Variants in PHACTR3 observed in about 807,000 individuals in gnomAD.
PHACTR3 encodes phosphatase and actin regulator 3.
PHACTR3 carries 16 observed loss-of-function variants against 66.8 expected under a neutral mutation model. The ratio of observed to expected loss-of-function variants is 0.24; its 90% confidence interval spans 0.16 to 0.36. PHACTR3 has a LOEUF of 0.36. PHACTR3 is among the 10% of genes least tolerant of loss of function. The pLI, the probability that PHACTR3 is intolerant of heterozygous loss-of-function variation, is 1.00. For missense variants in PHACTR3, 647 were observed against 719.9 expected (o/e 0.90, Z 1.16); for synonymous variants, 323 against 292.1 (o/e 1.11, Z -1.08).
chr20:59,585,826 C>T (rs948644816), intron 1 of PHACTR3, among the ~76,000 whole-genome samples: 1 of 152,174 alleles, frequency 6.6e-6, no homozygotes, highest in Non-Finnish European at 1.5e-5. Context: ...TCACCTCTCC[C>T]TAAAGGAAAG....
At chr20:59,735,878 A>C (rs1290797342) in intron 1 of PHACTR3, among the ~76,000 whole-genome samples, 1 of 152,158 alleles carries the variant, frequency 6.6e-6, no homozygotes, top group Admixed American at 6.5e-5. Context: ...GAATAAAGGG[A>C]TTGGCCCTGC....
chr20:59,778,531 C>T (rs923800518), intron 7 of PHACTR3, among the ~76,000 whole-genome samples: 5 of 152,252 alleles, frequency 3.3e-5, no homozygotes, highest in African/African-American at 9.6e-5. Flanking sequence ...CCCTTCTTCT[C>T]ACCCAACCTT....
intron 1 of PHACTR3, among the ~76,000 whole-genome samples, chr20:59,635,355 A>T (rs73301470): frequency 1.3e-5 from 2 of 149,144 alleles, no homozygotes; most frequent in African/African-American, 5.0e-5. Context: ...TTGTCTCAGC[A>T]TCCCAATAGT....
chr20:59,605,735 C>T (rs2033640035), intron 1 of PHACTR3, among the ~76,000 whole-genome samples: 1 of 152,220 alleles, frequency 6.6e-6, no homozygotes, highest in Non-Finnish European at 1.5e-5. Flanking sequence ...GGACTCCGTC[C>T]ACTCTTCCAC....
At chr20:59,641,334 T>C (rs1329013425) in intron 1 of PHACTR3, among the ~76,000 whole-genome samples, 1 of 152,132 alleles carries the variant, frequency 6.6e-6, no homozygotes, top group Admixed American at 6.5e-5. Context: ...CTATGTGTTG[T>C]GGAGTCTAAA....
intron 1 of PHACTR3, among the ~76,000 whole-genome samples, chr20:59,687,214 GTGA>G (rs1487242811): frequency 2.6e-5 from 4 of 151,544 alleles, no homozygotes; most frequent in Non-Finnish European, 4.4e-5. Context: ...GGCAGTGATG[GTGA>G]TGATGACGAT....
intron 3 of PHACTR3, among the ~76,000 whole-genome samples, chr20:59,753,838 C>T (rs1457405625): frequency 6.6e-6 from 1 of 152,216 alleles, no homozygotes; most frequent in East Asian, 1.9e-4. Flanking sequence ...GAAAGGGACA[C>T]TGTTGAAGGA....
intron 8 of PHACTR3, chr20:59,835,999 A>C (rs2042514731): frequency 6.5e-6 from 1 of 153,040 alleles, no homozygotes; most frequent in Non-Finnish European, 1.5e-5. Flanking sequence ...CAGCAGGCAG[A>C]AAGCCGGAAG....
intron 5 of PHACTR3, among the ~76,000 whole-genome samples, chr20:59,770,087 C>T (rs2040312224): frequency 6.6e-6 from 1 of 152,190 alleles, no homozygotes; most frequent in Non-Finnish European, 1.5e-5. Context: ...TTGGGAAGGT[C>T]GAGCCTCAGA....
intron 1 of PHACTR3, among the ~76,000 whole-genome samples, chr20:59,706,163 T>A (rs2037693177): frequency 6.6e-6 from 1 of 152,210 alleles, no homozygotes; most frequent in Admixed American, 6.5e-5. Context: ...TCCTCTGAAT[T>A]CCCTGACGAA....
At chr20:59,834,240 T>TC (rs931203346) in intron 8 of PHACTR3, among the ~76,000 whole-genome samples, 4 of 152,128 alleles carry the variant, frequency 2.6e-5, no homozygotes, top group African/African-American at 9.7e-5. Context: ...CTGTGTGCCT[T>TC]CCCCCTCCAT....
Position 59,645,221 on chromosome 20 carries a change from CTTT to C in PHACTR3, c.118+40108_118+40110del, listed in dbSNP as rs11470114. 1.7e-3 allele frequency among the ~76,000 whole-genome samples: 204 copies of C among 120,544 alleles called. No individual in the cohort carries two copies. The Middle Eastern group carries it at 0.017, about 10-fold the overall frequency. 79.1% of individuals were successfully genotyped at this position (120,544 alleles called of 152,430 possible). On this transcript the variant is annotated intron_variant, in intron 1 of 12. Coordinates refer to ENST00000371015, the MANE Select transcript of PHACTR3 (RefSeq NM_080672.5). ...TTTGTTCTTTTTTATGTTAGCAGATCTTTTTTTTTTTTTTTTTTTTTACCCACT... is the reference window on the plus strand; with the variant it reads ...TTTGTTCTTTTTTATGTTAGCAGATCTTTTTTTTTTTTTTTTTTACCCACT...
At chr20:59,645,287 G>A (rs1462227345) in intron 1 of PHACTR3, among the ~76,000 whole-genome samples, 4 of 150,450 alleles carry the variant, frequency 2.7e-5, no homozygotes, top group African/African-American at 7.4e-5. Context: ...CCCAAAGGCA[G>A]GGCTGGGTTA....
intron 1 of PHACTR3, among the ~76,000 whole-genome samples, chr20:59,740,265 A>G (rs1268802568): frequency 6.6e-6 from 1 of 152,074 alleles, no homozygotes; most frequent in Non-Finnish European, 1.5e-5. Context: ...CTATTAATAA[A>G]CTGTGTATTG....
intron 1 of PHACTR3, among the ~76,000 whole-genome samples, chr20:59,635,149 T>TTCTTTCTTTCTTTTTCTTTCTTTCTTTCC (rs1555881160): frequency 3.0e-4 from 18 of 60,398 alleles, no homozygotes; most frequent in Non-Finnish European, 4.4e-4. Context: ...CTTTCTTTCT[T>TTCTTTCTTTCTTTTTCTTTCTTTCTTTCC]TTTCTTTCTT....
chr20:59,707,457 C>CTTTTTTTTT (rs34134572), intron 1 of PHACTR3, among the ~76,000 whole-genome samples: 1 of 100,378 alleles, frequency 1.0e-5, no homozygotes, highest in Non-Finnish European at 1.9e-5. Context: ...TGCTCCCACT[C>CTTTTTTTTT]TTTTTTTTTT....
chr20:59,661,450 T>C (rs530382315), intron 1 of PHACTR3, among the ~76,000 whole-genome samples: 1 of 152,214 alleles, frequency 6.6e-6, no homozygotes, highest in Admixed American at 6.5e-5. Context: ...ATAACAGCCC[T>C]AGGAGACTCA....
intron 1 of PHACTR3, chr20:59,628,626 A>G (rs1401752167): frequency 1.0e-6 from 1 of 985,320 alleles, no homozygotes; most frequent in Non-Finnish European, 1.2e-6. Context: ...CAAAGAAACA[A>G]AAAGTACGGG....
At chr20:59,840,226 G>A (rs1279457263) in intron 9 of PHACTR3, 143 bp from the exon 10 acceptor site, 4 of 1,326,196 alleles carry the variant, frequency 3.0e-6, no homozygotes, top group Non-Finnish European at 4.0e-6. Context: ...TGACAAAGTG[G>A]GAAGAAAACA....
Sources: gnomAD v4.1 joint callset for allele counts (sites outside exome capture counted in the v4.1 genomes callset) on GRCh38, gnomAD v4.1.1 for gene constraint, MANE v1.5 for transcripts, NCBI Gene and HGNC (gene_info 2026-07-23, HGNC 2026-07-21) for gene names.